The following CD58 variants were observed in gnomAD, a reference collection of about 807,000 sequenced individuals.
CD58 encodes the protein CD58 molecule, also known as lymphocyte function-associated antigen 3.
A neutral mutation model predicts 27.6 loss-of-function variants in CD58; 14 were observed. The observed-to-expected ratio is 0.51, with a 90% CI of 0.34 to 0.79. The LOEUF (loss-of-function observed/expected upper bound fraction) is 0.79, where lower values mean the gene tolerates loss of function less well. Ranked by LOEUF, CD58 falls within the 30% of genes least tolerant of loss-of-function variation. The pLI, the probability that CD58 is intolerant of heterozygous loss-of-function variation, is 0.02. For synonymous variants in CD58, 117 were observed against 103.8 expected (o/e 1.13, Z -0.77); for missense variants, 268 against 301.7 (o/e 0.89, Z 0.83).
In CD58 at chr1:116,546,895, C is replaced by T. The variant is rs1210248999; in HGVS notation, c.71-2291G>A. Among the ~76,000 whole-genome samples, 1 of 152,166 alleles carries T rather than the reference C, an allele frequency of 6.6e-6. No individual in the cohort carries two copies. The highest frequency in any genetic ancestry group is 1.9e-4 in the East Asian group (1 of 5,196). ...TGAGATAGCAAGACCAACCCCTCCT[C>T]CCACTTAGCCTGCTTTAACGTGAAG... On this transcript the variant is annotated intron_variant, in intron 1 of 5. Coordinates refer to ENST00000369489, the MANE Select transcript of CD58 (RefSeq NM_001779.3). The surrounding 1 kb of genome is among the most constrained non-coding windows in gnomAD (Gnocchi z 4.1).
At position 116,546,051 on chromosome 1, in the gene CD58, T is replaced by C. The variant is rs1658159436; in HGVS notation, c.71-1447A>G. Among the ~76,000 whole-genome samples, 1 of 152,130 alleles carries C rather than the reference T, an allele frequency of 6.6e-6. No individual in the cohort carries two copies. The highest frequency in any genetic ancestry group is 1.9e-4 in the East Asian group (1 of 5,180). ...AAATTAGCTGGGCATGGCACACACC[T>C]GTGGTCCCCAGCTACTTGGGAGGCT... On this transcript the variant is annotated intron_variant, in intron 1 of 5. Transcript: ENST00000369489. This position sits in a 1 kb window ranked among gnomAD's most constrained non-coding sequence, Gnocchi z 4.1.
At chr1:116,526,420 T>C (rs1657435956) in intron 3 of CD58, among the ~76,000 whole-genome samples, 1 of 152,244 alleles carries the variant, frequency 6.6e-6, no homozygotes, top group African/African-American at 2.4e-5. Flanking sequence ...GTCCAGTTGT[T>C]ACAGCACTAT....
At chr1:116,561,225 C>T (rs183418394) in intron 1 of CD58, among the ~76,000 whole-genome samples, 52 of 152,244 alleles carry the variant, frequency 3.4e-4, no homozygotes, top group Non-Finnish European at 6.5e-4. Flanking sequence ...TTTAAAACTT[C>T]TGAAAGATGC....
chr1:116,547,403 A>G (rs1658219549), intron 1 of CD58, among the ~76,000 whole-genome samples: 4 of 150,232 alleles, frequency 2.7e-5, no homozygotes. Context: ...TCGGCTCACT[A>G]AAAGTTCCAC....
rs571542465 is a variant in CD58 at position 116,561,044 on chromosome 1, G to A, written c.70+9859C>T. ...AAACAGCATGAGAAGAAACCAAAAG[G>A]CAGAAAACTTACACATATAAGGGCT... On this transcript the variant is annotated intron_variant, in intron 1 of 5. Coordinates refer to ENST00000369489, the MANE Select transcript of CD58 (RefSeq NM_001779.3). 2.0e-5 allele frequency among the ~76,000 whole-genome samples: 3 copies of A among 152,206 alleles called. No homozygotes were observed. In the South Asian group the frequency reaches 6.2e-4, roughly 32 times the overall value.
intron 2 of CD58, among the ~76,000 whole-genome samples, chr1:116,542,192 C>A (rs185400830): frequency 3.3e-5 from 5 of 152,300 alleles, no homozygotes; most frequent in Non-Finnish European, 2.9e-5. Flanking sequence ...GCAGAAGATT[C>A]ACTTGAACCC....
In CD58 at chr1:116,516,942, C is replaced by T. The variant is rs976572642; in HGVS notation, c.744-2120G>A. ...TGTCTAGCCTCGCTGGGTACTCTGA[C>T]CCCCACCCTATCAGCTAGCACAGTG... On this transcript the variant is annotated intron_variant, in intron 5 of 5. Transcript: ENST00000369489. The surrounding 1 kb of genome is among the most constrained non-coding windows in gnomAD (Gnocchi z 6.1). Among the ~76,000 whole-genome samples the T allele has an allele frequency of 1.3e-5, 2 of 152,122 alleles. No individual in the cohort carries two copies. The highest frequency in any genetic ancestry group is 4.8e-5 in the African/African-American group (2 of 41,410).
intron 2 of CD58, among the ~76,000 whole-genome samples, chr1:116,542,393 A>C (rs1372255668): frequency 6.6e-6 from 1 of 152,254 alleles, no homozygotes; most frequent in African/African-American, 2.4e-5. Flanking sequence ...GTCAAGAATG[A>C]CATGGACTGA....
intron 3 of CD58, chr1:116,533,475 T>C (rs1131081): frequency 1.3e-6 from 1 of 742,368 alleles, no homozygotes; most frequent in East Asian, 2.6e-5. Context: ...GAACTCTTAA[T>C]ATGAAAGACA....
rs186569680 is a variant in CD58, at chr1:116,516,104, A to G, written c.744-1282T>C. ...GTCTCTTAACTCCTGGGCTCAAGAA[A>G]TCCTCCCACTAACTCCTAAACTCAA... On this transcript the variant is annotated intron_variant, in intron 5 of 5. Coordinates refer to ENST00000369489, the MANE Select transcript of CD58 (RefSeq NM_001779.3). This position sits in a 1 kb window ranked among gnomAD's most constrained non-coding sequence, Gnocchi z 6.1. 1.8e-3 allele frequency among the ~76,000 whole-genome samples: 273 copies of G among 151,986 alleles called. 3 individuals carry two copies. The highest frequency in any genetic ancestry group is 6.2e-3 in the African/African-American group (255 of 41,424).
At chr1:116,553,667 T>C (rs983150469) in intron 1 of CD58, among the ~76,000 whole-genome samples, 3 of 152,160 alleles carry the variant, frequency 2.0e-5, no homozygotes, top group Admixed American at 6.5e-5. Flanking sequence ...CTGTGAGACA[T>C]CCAAGCAAAG....
In CD58 at chr1:116,533,155, C is replaced by T. The variant is rs1453521478; in HGVS notation, c.628+2810G>A. 5.3e-6 allele frequency: 4 copies of T among 753,622 alleles called. No homozygotes were observed. In the South Asian group the frequency reaches 5.5e-5, roughly 10 times the overall value. The allele number at this position is 753,622 out of a possible 1,614,324, so 46.7% of individuals were successfully genotyped here. ...CCAATTTCAAAATCAGAGGCTAATA[C>T]GAATTCAGAATCTTTATCCAGTGAT... On this transcript the variant is annotated intron_variant, in intron 3 of 5. Transcript: ENST00000369489.
rs569144364 is a variant in CD58, at chr1:116,531,528, C to G, written c.628+4437G>C. On this transcript the variant is annotated intron_variant, in intron 3 of 5. Coordinates refer to ENST00000369489, the MANE Select transcript of CD58 (RefSeq NM_001779.3). This position sits in a 1 kb window ranked among gnomAD's most constrained non-coding sequence, Gnocchi z 4.5. The stretch of plus-strand genomic sequence containing the variant: ...ACAAATTGCATTTCCATATCGTATG[C>G]CTTGGGTATTATGTAACACTCAAAA... Among the ~76,000 whole-genome samples, 1 of 152,046 alleles carries G rather than the reference C, an allele frequency of 6.6e-6. No homozygotes were observed. The highest frequency in any genetic ancestry group is 1.5e-5 in the Non-Finnish European group (1 of 68,004).
rs764552170 is a variant in CD58 at position 116,527,392 on chromosome 1, G to A, written c.629-5409C>T. 2.0e-5 allele frequency among the ~76,000 whole-genome samples: 3 copies of A among 152,256 alleles called. No individual in the cohort carries two copies. The highest frequency in any genetic ancestry group is 4.4e-5 in the Non-Finnish European group (3 of 68,012). On this transcript the variant is annotated intron_variant, in intron 3 of 5. Transcript: ENST00000369489. The surrounding 1 kb of genome is among the most constrained non-coding windows in gnomAD (Gnocchi z 4.4). ...CTGAGAGTTTTTATCATAAATTGAT[G>A]TTGGATTTTGTCAAATGCTTTTTCT...
rs1200979055 is a variant in CD58 at position 116,550,189 on chromosome 1, G to A, written c.71-5585C>T. ...CAATTTCTTAAAAGAAGACAATGAT[G>A]AGTTTTGCTGCATCAATGGACCCTT... On this transcript the variant is annotated intron_variant, in intron 1 of 5. Coordinates refer to ENST00000369489, the MANE Select transcript of CD58 (RefSeq NM_001779.3). The surrounding 1 kb of genome is among the most constrained non-coding windows in gnomAD (Gnocchi z 4.2). 6.6e-6 allele frequency among the ~76,000 whole-genome samples: 1 copy of A among 152,176 alleles called. No individual in the cohort carries two copies. Among genetic ancestry groups the A allele is most frequent in the African/African-American group, 2.4e-5 (1 of 41,444 alleles).
At chr1:116,520,020 T>C (rs903970556) in intron 4 of CD58, among the ~76,000 whole-genome samples, 1 of 152,220 alleles carries the variant, frequency 6.6e-6, no homozygotes, top group African/African-American at 2.4e-5. Context: ...GCTGGAGCTG[T>C]TTCCATTCAA....
chr1:116,570,239 G>A lies in CD58; in HGVS notation c.70+664C>T, dbSNP rs888609396. Among the ~76,000 whole-genome samples, 1 of 152,216 alleles carries A rather than the reference G, an allele frequency of 6.6e-6. No individual in the cohort carries two copies. Among genetic ancestry groups the A allele is most frequent in the African/African-American group, 2.4e-5 (1 of 41,456 alleles). On this transcript the variant is annotated intron_variant, in intron 1 of 5. Coordinates refer to ENST00000369489, the MANE Select transcript of CD58 (RefSeq NM_001779.3). This position sits in a 1 kb window ranked among gnomAD's most constrained non-coding sequence, Gnocchi z 6.4. ...TTCCTGAGGTTGTTGTGACGACTTG[G>A]CTGACAACACACGGAGAGGATGGAA...
chr1:116,543,091 G>C (rs1413927468), intron 2 of CD58, among the ~76,000 whole-genome samples: 1 of 152,222 alleles, frequency 6.6e-6, no homozygotes, highest in Non-Finnish European at 1.5e-5. Flanking sequence ...ACATGGGTGT[G>C]AGCACAGAAT....
At chr1:116,540,966 T>C (rs1657971574) in intron 2 of CD58, among the ~76,000 whole-genome samples, 1 of 152,090 alleles carries the variant, frequency 6.6e-6, no homozygotes, top group Non-Finnish European at 1.5e-5. Context: ...TGCACCACCA[T>C]GCCTGGTTAA....
Sources: allele counts gnomAD v4.1 joint callset (sites outside exome capture counted in the v4.1 genomes callset), GRCh38; gene constraint gnomAD v4.1.1; non-coding constraint Gnocchi (gnomAD v3.1); transcripts MANE v1.5; gene names NCBI Gene and HGNC (gene_info 2026-07-23, HGNC 2026-07-21).